The following NEK4 variants were observed in gnomAD, a reference collection of about 807,000 sequenced individuals.
NEK4 encodes NIMA related kinase 4.
A neutral mutation model predicts 98.4 loss-of-function variants in NEK4; 86 were observed. The observed-to-expected ratio is 0.87, with a 90% confidence interval of 0.73 to 1.05. NEK4 has a LOEUF of 1.05. Ranked by LOEUF, NEK4 falls within the 50% of genes least tolerant of loss-of-function variation. The probability of loss-of-function intolerance (pLI) is 0.00; values close to 1 mark genes in which losing one functional copy is unlikely to be tolerated. For synonymous variants in NEK4, 328 were observed against 342.2 expected (o/e 0.96, Z 0.46); for missense variants, 898 against 950.3 (o/e 0.94, Z 0.72).
chr3:52,735,563 T>C (rs1561298073), intron 15 of NEK4, among the ~76,000 whole-genome samples: 1 of 152,246 alleles, frequency 6.6e-6, no homozygotes, highest in African/African-American at 2.4e-5. Flanking sequence ...TTTTACGATC[T>C]ACTTACCAGT....
chr3:52,722,332 A>G (rs1258156875), intron 15 of NEK4, among the ~76,000 whole-genome samples: 1 of 152,118 alleles, frequency 6.6e-6, no homozygotes, highest in Non-Finnish European at 1.5e-5. Flanking sequence ...GGTACAAGCT[A>G]TAACACAAGT....
rs149326545 is a variant in NEK4 at position 52,746,349 on chromosome 3, G to C, written c.1678-139C>G. The C allele has an allele frequency of 1.0e-3, 778 of 770,820 alleles. 5 individuals carry two copies. In the African/African-American group the frequency reaches 0.012, roughly 12 times the overall value. 47.7% of individuals were successfully genotyped at this position (770,820 alleles called of 1,614,324 possible). On this transcript the variant is annotated intron_variant, in intron 9 of 15. Coordinates refer to ENST00000233027, the MANE Select transcript of NEK4 (RefSeq NM_003157.6). ...CATTGCATTTTTTTGGAAAGACTCT[G>C]CCAAAAGTCAGTCATCTAAGAAGGT...
At chr3:52,753,862 C>T in intron 6 of NEK4, 1 of 372,194 alleles carries the variant, frequency 2.7e-6, no homozygotes, top group Admixed American at 3.6e-5. Flanking sequence ...TCATAGGGCA[C>T]AGACTTTATC....
chr3:52,767,953 C>T (rs962912203), intron 2 of NEK4, among the ~76,000 whole-genome samples: 6 of 152,156 alleles, frequency 3.9e-5, no homozygotes, highest in Non-Finnish European at 8.8e-5. Context: ...CTACTGTACC[C>T]CAGCAGACTG....
intron 15 of NEK4, among the ~76,000 whole-genome samples, chr3:52,720,564 T>C (rs1261077967): frequency 6.6e-6 from 1 of 152,140 alleles, no homozygotes. Flanking sequence ...ACCAATAACA[T>C]TCACAGCTAA....
In NEK4 at chr3:52,768,502, C is replaced by T. The variant is rs1698660239; in HGVS notation, c.196G>A (p.Val66Ile). 3 of 1,614,080 alleles carry T rather than the reference C, an allele frequency of 1.9e-6. No homozygotes were observed. Among genetic ancestry groups the T allele is most frequent in the African/African-American group, 1.3e-5 (1 of 74,916 alleles). Residue 66 changes from valine (V) to isoleucine (I), a missense_variant, in exon 2 of 16, where the codon GTC (valine) becomes ATC (isoleucine). Transcript: ENST00000233027. ...LLSQLKHPNI[V>I]TYKESWEGGD... is the part of the protein sequence containing the mutation. The stretch of plus-strand genomic sequence containing the variant: ...CCTTCCCATGACTCCTTGTAGGTGA[C>T]AATGTTGGGATGCTTCAACTGAGAC...
chr3:52,761,003 T>A lies in NEK4; in HGVS notation c.822-67A>T. On this transcript the variant is annotated intron_variant, in intron 5 of 15. Transcript: ENST00000233027. ...AAGATTAAGGGTTTTTAGGTATATG[T>A]GGGAGTGTGTGTATACAATGAATTC... 3 of 991,450 alleles carry A rather than the reference T, an allele frequency of 3.0e-6. No homozygotes were observed. The South Asian group carries it at 4.7e-5, about 15-fold the overall frequency. 61.4% of individuals were successfully genotyped at this position (991,450 alleles called of 1,614,324 possible).
At chr3:52,736,408 A>T (rs980696509) in intron 15 of NEK4, among the ~76,000 whole-genome samples, 2 of 152,080 alleles carry the variant, frequency 1.3e-5, no homozygotes, top group African/African-American at 4.8e-5. Context: ...GACACAGTGA[A>T]ACCCAGCCTC....
In NEK4 at chr3:52,752,336, C is replaced by G; in HGVS notation, c.964G>C (p.Gly322Arg). 6.2e-7 allele frequency: 1 copy of G among 1,606,818 alleles called. No homozygotes were observed. The highest frequency in any genetic ancestry group is 1.3e-5 in the African/African-American group (1 of 74,552). ...SSEGSQTYIM[G>R]EGKCLSQEKP... ...TCCTGGGACAAACATTTGCCTTCAC[C>G]CTGAATGAAAAGATGTTTGGAAATT... The change falls in exon 7 of 16, where the codon GGT (glycine) becomes CGT (arginine). Residue 322 changes from glycine to arginine, a missense_variant and splice_region_variant. By Grantham distance (125) the Gly-to-Arg change is moderately radical. Coordinates refer to ENST00000233027, the MANE Select transcript of NEK4 (RefSeq NM_003157.6).
chr3:52,738,544 G>A (rs927950952), intron 14 of NEK4, among the ~76,000 whole-genome samples: 1 of 151,726 alleles, frequency 6.6e-6, no homozygotes, highest in African/African-American at 2.4e-5. Flanking sequence ...TCAACCTCCT[G>A]GGTTCAAGAA....
At chr3:52,731,999 C>T (rs781723332) in intron 15 of NEK4, among the ~76,000 whole-genome samples, 79 of 152,334 alleles carry the variant, frequency 5.2e-4, no homozygotes, top group Non-Finnish European at 9.1e-4. Context: ...CCACGTAAGA[C>T]GTGTCTTGCT....
intron 6 of NEK4, among the ~76,000 whole-genome samples, chr3:52,759,284 C>T (rs750142814): frequency 3.4e-4 from 51 of 151,766 alleles, no homozygotes; most frequent in Non-Finnish European, 2.4e-4. Context: ...TGCTGTGGTC[C>T]CAGCTACTCA....
Position 52,741,463 on chromosome 3 carries a change from A to C in NEK4, c.2041T>G (p.Leu681Val), listed in dbSNP as rs773536027. The C allele has an allele frequency of 6.2e-7, 1 of 1,610,624 alleles. No homozygotes were observed. The highest frequency in any genetic ancestry group is 8.5e-7 in the Non-Finnish European group (1 of 1,176,922). ...TCAGTTGAACTTGTAGAAGAACTTA[A>C]CTCATCCTCAGACAGACAATGAATC... ...KQIHCLSEDELSSSTSSTDKS... is the reference protein window; with the variant it reads ...KQIHCLSEDEVSSSTSSTDKS... The change falls in exon 13 of 16, where the codon TTA becomes GTA. Residue 681 changes from leucine (L) to valine (V), a missense_variant. Transcript: ENST00000233027.
At chr3:52,722,588 A>C (rs2097361054) in intron 15 of NEK4, among the ~76,000 whole-genome samples, 2 of 152,208 alleles carry the variant, frequency 1.3e-5, no homozygotes, top group Non-Finnish European at 1.5e-5. Flanking sequence ...ATTGTCCCTA[A>C]GATCAGATGG....
At chr3:52,762,692 C>T (rs1490694901) in intron 5 of NEK4, among the ~76,000 whole-genome samples, 2 of 152,170 alleles carry the variant, frequency 1.3e-5, no homozygotes, top group Admixed American at 6.6e-5. Flanking sequence ...ACCAGCCTGG[C>T]CAACATGGGG....
At position 52,752,933 on chromosome 3, in the gene NEK4, T is replaced by TACACACACACAC. The variant is rs71087017; in HGVS notation, c.964-609_964-598dup. On this transcript the variant is annotated intron_variant, in intron 6 of 15. Coordinates refer to ENST00000233027, the MANE Select transcript of NEK4 (RefSeq NM_003157.6). ...AAAAAAAAAAATATATATATATATA[T>TACACACACACAC]ACACACACACACACACACACAATGG... is the stretch of plus-strand genomic sequence containing the variant. Among the ~76,000 whole-genome samples, 552 of 74,340 alleles carry TACACACACACAC rather than the reference T, an allele frequency of 7.4e-3. 5 individuals carry two copies. Among genetic ancestry groups the TACACACACACAC allele is most frequent in the Middle Eastern group, 0.014 (2 of 142 alleles). The allele number at this position is 74,340 out of a possible 152,430, so 48.8% of individuals were successfully genotyped here.
In NEK4 at chr3:52,742,525, G is replaced by A. The variant is rs967370558; in HGVS notation, c.2004+827C>T. ...AAATAATACATCCAATACTTTCAAA[G>A]AACAGGAAGAATTCCCAGAGTATTA... On this transcript the variant is annotated intron_variant, in intron 12 of 15. Transcript: ENST00000233027. Among the ~76,000 whole-genome samples the A allele has an allele frequency of 2.6e-5, 4 of 152,138 alleles. No homozygotes were observed. The East Asian group carries it at 7.7e-4, about 29-fold the overall frequency.
chr3:52,711,516 C>A lies in NEK4; in HGVS notation c.*261G>T. On this transcript the variant is annotated 3_prime_UTR_variant, in exon 16 of 16. Coordinates refer to ENST00000233027, the MANE Select transcript of NEK4 (RefSeq NM_003157.6). ...TAAATATAAACTTGGTGGATTAAGG[C>A]TCAGTAAACAGTAATCAAACAAACA... is the stretch of plus-strand genomic sequence containing the variant. The A allele has an allele frequency of 3.3e-6, 1 of 304,914 alleles. No individual in the cohort carries two copies. The highest frequency in any genetic ancestry group is 1.2e-4 in the South Asian group (1 of 8,332). The allele number at this position is 304,914 out of a possible 1,614,324, so 18.9% of individuals were successfully genotyped here.
At position 52,710,011 on chromosome 3, in the gene NEK4, A is replaced by C. The variant is rs1332353499; in HGVS notation, c.*1766T>G. 2.0e-5 allele frequency: 3 copies of C among 152,186 alleles called. No homozygotes were observed. In the South Asian group the frequency reaches 6.2e-4, roughly 32 times the overall value. The allele number at this position is 152,186 out of a possible 1,614,324, so 9.4% of individuals were successfully genotyped here. A position where few individuals can be genotyped will look rare whatever the true frequency, so the allele number is the denominator to read the frequency against. On this transcript the variant is annotated 3_prime_UTR_variant, in exon 16 of 16. Coordinates refer to ENST00000233027, the MANE Select transcript of NEK4 (RefSeq NM_003157.6). Reference sequence around the variant, plus strand: ...AAGGGCAGGAAGTATTGTTTTATTCACCACTATATCCCCAGCTCCTGGCAG... The same window carrying C: ...AAGGGCAGGAAGTATTGTTTTATTCCCCACTATATCCCCAGCTCCTGGCAG...
Sources: allele counts gnomAD v4.1 joint callset (sites outside exome capture counted in the v4.1 genomes callset), GRCh38; gene constraint gnomAD v4.1.1; transcripts MANE v1.5; gene names NCBI Gene and HGNC (gene_info 2026-07-23, HGNC 2026-07-21).